ABR: variants seen among roughly 807,000 people sequenced by gnomAD.
ABR encodes the protein active breakpoint cluster region-related protein.
Under a neutral mutation model 107.2 loss-of-function variants are expected in ABR, and 35 were observed. The ratio of observed to expected loss-of-function variants is 0.33; its 90% CI spans 0.25 to 0.43. The LOEUF is 0.43. Among genes scored for constraint, ABR ranks in the 20% least tolerant of loss-of-function variants. The pLI is 1.00. For synonymous variants in ABR, 498 were observed against 462.0 expected, an observed-to-expected ratio of 1.08 and a Z score of -1.00; for missense variants, 815 against 1,115.2, an observed-to-expected ratio of 0.73 and a Z score of 3.83.
At chr17:1,226,036 G>A (rs1355828941) in intron 1 of ABR, among the ~76,000 whole-genome samples, 3 of 152,070 alleles carry the variant, frequency 2.0e-5, no homozygotes, top group Non-Finnish European at 2.9e-5. Flanking sequence ...AATAATACTC[G>A]CCGTGTCCAA....
At chr17:1,104,210 A>C (rs2151363043) in intron 2 of ABR, among the ~76,000 whole-genome samples, 1 of 152,196 alleles carries the variant, frequency 6.6e-6, no homozygotes, top group Non-Finnish European at 1.5e-5. Flanking sequence ...GGGTTCGTTT[A>C]TCCTCAGCAT....
intron 1 of ABR, among the ~76,000 whole-genome samples, chr17:1,193,272 C>CCG (rs1567880467): frequency 6.7e-6 from 1 of 148,348 alleles, no homozygotes; most frequent in Non-Finnish European, 1.5e-5. Flanking sequence ...GGGACACCCC[C>CCG]TCCCCCTCAA....
chr17:1,180,049 C>CTTTGGTGCGGGGGCGGGGCT (rs2042076495), upstream of ABR, among the ~76,000 whole-genome samples: 1 of 113,476 alleles, frequency 8.8e-6, no homozygotes, highest in Non-Finnish European at 1.9e-5. Flanking sequence ...GGGGGCGGGG[C>CTTTGGTGCGGGGGCGGGGCT]TTTGGTGCGG....
At chr17:1,194,746 C>T (rs1159788561) in intron 1 of ABR, among the ~76,000 whole-genome samples, 3 of 124,310 alleles carry the variant, frequency 2.4e-5, no homozygotes, top group Admixed American at 2.0e-4. Flanking sequence ...CTCCACCTCC[C>T]GGGTTCAAGC....
chr17:1,133,797 G>A (rs537704779), intron 1 of ABR, among the ~76,000 whole-genome samples: 9 of 152,238 alleles, frequency 5.9e-5, no homozygotes, highest in African/African-American at 2.2e-4. Context: ...CAAGATACCC[G>A]CTTTCTCTGC....
At chr17:1,035,759 G>A (rs72814005) in intron 16 of ABR, among the ~76,000 whole-genome samples, 30,721 of 146,044 alleles carry the variant, frequency 0.21, 4,212 homozygotes, top group Non-Finnish European at 0.3. Context: ...ATTCCTAGTG[G>A]ACCATCCCAT....
exon 1 of ABR, among the ~76,000 whole-genome samples, chr17:1,229,333 C>A (rs1437101628): frequency 6.7e-6 from 1 of 148,298 alleles, no homozygotes; most frequent in Non-Finnish European, 1.5e-5. Flanking sequence ...GGCAGGTCCC[C>A]GCGGGGAGAC....
intron 14 of ABR, among the ~76,000 whole-genome samples, chr17:1,054,522 G>A (rs1346140067): frequency 5.6e-4 from 8 of 14,196 alleles, no homozygotes; most frequent in African/African-American, 1.6e-3. Context: ...AGGAACCTCA[G>A]GGGATGGGGG....
chr17:1,208,927 CAGTT>C (rs1309017023), intron 1 of ABR, among the ~76,000 whole-genome samples: 3 of 150,788 alleles, frequency 2.0e-5, no homozygotes, highest in Non-Finnish European at 4.4e-5. Flanking sequence ...CCTGCCAAGT[CAGTT>C]AAAGACGGCA....
At chr17:1,222,616 A>T (rs1378919604) in intron 1 of ABR, among the ~76,000 whole-genome samples, 1 of 152,206 alleles carries the variant, frequency 6.6e-6, no homozygotes, top group Non-Finnish European at 1.5e-5. Flanking sequence ...AAGATTAAAA[A>T]TAAAAAGTCT....
chr17:1,114,520 C>A (rs922505727), intron 2 of ABR, among the ~76,000 whole-genome samples: 10 of 151,292 alleles, frequency 6.6e-5, no homozygotes, highest in Non-Finnish European at 1.2e-4. Context: ...CACCTGTAAT[C>A]CCAGCACTTT....
chr17:1,054,282 G>A (rs1179066073), intron 14 of ABR, among the ~76,000 whole-genome samples: 3 of 152,198 alleles, frequency 2.0e-5, no homozygotes, highest in East Asian at 1.9e-4. Context: ...CCAGGTGCAC[G>A]GTAGGTGCTG....
At chr17:1,185,664 A>AAATAAAAT (rs1567873637) in intron 1 of ABR, among the ~76,000 whole-genome samples, 2 of 134,810 alleles carry the variant, frequency 1.5e-5, no homozygotes, top group East Asian at 5.2e-4. Flanking sequence ...TAAAAAAAAA[A>AAATAAAAT]AAAAAAAAAA....
chr17:1,200,381 A>C lies in ABR; in HGVS notation c.838+28412T>G, dbSNP rs1055387910. On this transcript the variant is annotated intron_variant, in intron 1 of 22. Coordinates refer to the ABR transcript ENST00000574139. This position sits in a 1 kb window ranked among gnomAD's most constrained non-coding sequence, Gnocchi z 4.1. ...GCAAGACACTGTCTCCATTAAAAAA[A>C]ATTTTTTTAAATAAAGTCTATGGGA... 6.6e-6 allele frequency among the ~76,000 whole-genome samples: 1 copy of C among 152,088 alleles called. No individual in the cohort carries two copies. The highest frequency in any genetic ancestry group is 2.4e-5 in the African/African-American group (1 of 41,400).
At chr17:1,068,754 G>A (rs1190656255) in intron 9 of ABR, among the ~76,000 whole-genome samples, 1 of 152,206 alleles carries the variant, frequency 6.6e-6, no homozygotes, top group Non-Finnish European at 1.5e-5. Context: ...GCTCAAAGGA[G>A]TTTGCACGTC....
In ABR at chr17:1,092,848, G is replaced by A. The variant is rs1025355904; in HGVS notation, c.346-998C>T. 6.7e-6 allele frequency among the ~76,000 whole-genome samples: 1 copy of A among 150,016 alleles called. No individual in the cohort carries two copies. The highest frequency in any genetic ancestry group is 1.5e-5 in the Non-Finnish European group (1 of 67,404). On this transcript the variant is annotated intron_variant, in intron 3 of 22. Transcript: ENST00000302538. The surrounding 1 kb of genome is among the most constrained non-coding windows in gnomAD (Gnocchi z 4.6). ...AGCCACGTCGAATTCTTTTTTTTTT[G>A]GAGACGGAGTCTCGCTCTGTCGCCC...
rs369840570 is a variant in ABR, at chr17:1,086,912, G to A, written c.532-3285C>T. On this transcript the variant is annotated intron_variant, in intron 4 of 22. Coordinates refer to ENST00000302538, the MANE Select transcript of ABR (RefSeq NM_021962.5). ...TCACTTGAGCCCGAGTTCAAGTCCA[G>A]CCTGGACAACATAGCAAGACCTTTT... Among the ~76,000 whole-genome samples the A allele has an allele frequency of 1.1e-4, 17 of 152,062 alleles. 1 individual carries two copies. The East Asian group carries it at 2.3e-3, about 21-fold the overall frequency.
In ABR at chr17:1,028,213, C is replaced by T. The variant is rs78548404; in HGVS notation, c.1792-15049G>A. Reference sequence around the variant, plus strand: ...TCAAGCGATGCTCCTGCCTCAGCCTCCCTAGCAGCTGGGATTACAGGTGCC... The same window carrying T: ...TCAAGCGATGCTCCTGCCTCAGCCTTCCTAGCAGCTGGGATTACAGGTGCC... On this transcript the variant is annotated intron_variant, in intron 16 of 22. Coordinates refer to ENST00000302538, the MANE Select transcript of ABR (RefSeq NM_021962.5). Among the ~76,000 whole-genome samples, 593 of 152,128 alleles carry T rather than the reference C, an allele frequency of 3.9e-3. 32 individuals carry two copies. The South Asian group carries it at 0.097, about 25-fold the overall frequency.
chr17:1,226,093 G>A (rs542408818), intron 1 of ABR, among the ~76,000 whole-genome samples: 5 of 152,282 alleles, frequency 3.3e-5, no homozygotes, highest in South Asian at 2.1e-4. Context: ...TGGAGCTTGC[G>A]TTTGACTGGA....
Sources: gnomAD v4.1 joint callset for allele counts (sites outside exome capture counted in the v4.1 genomes callset) on GRCh38, gnomAD v4.1.1 for gene constraint, Gnocchi (gnomAD v3.1) non-coding constraint, MANE v1.5 for transcripts, NCBI Gene and HGNC (gene_info 2026-07-23, HGNC 2026-07-21) for gene names.